Variants in SH3D19 observed in about 807,000 individuals in gnomAD.
SH3D19 encodes the protein SH3 domain containing 19, also known as SH3 domain-containing protein 19.
Under a neutral mutation model 112.1 loss-of-function variants are expected in SH3D19, and 58 were observed. The ratio of observed to expected loss-of-function variants is 0.52; its 90% confidence interval spans 0.42 to 0.64. The LOEUF is 0.64. Among genes scored for constraint, SH3D19 ranks in the 30% least tolerant of loss-of-function variants. The pLI is 0.00. For synonymous variants in SH3D19, 391 were observed against 448.5 expected, an observed-to-expected ratio of 0.87 and a Z score of 1.62; for missense variants, 1,090 against 1,263.4, an observed-to-expected ratio of 0.86 and a Z score of 2.08.
chr4:151,299,528 C>T (rs938140431), intron 1 of SH3D19, among the ~76,000 whole-genome samples: 9 of 133,660 alleles, frequency 6.7e-5, no homozygotes, highest in East Asian at 2.2e-4. Context: ...TGCGGTGAGC[C>T]GAGATTGCGC....
At chr4:151,323,100 A>T (rs1389365985) in intron 1 of SH3D19, among the ~76,000 whole-genome samples, 1 of 152,182 alleles carries the variant, frequency 6.6e-6, no homozygotes, top group Non-Finnish European at 1.5e-5. Context: ...TACAAATTTC[A>T]TATGTTCTTC....
At chr4:151,286,194 A>AC (rs1346873730) in intron 1 of SH3D19, among the ~76,000 whole-genome samples, 1 of 149,844 alleles carries the variant, frequency 6.7e-6, no homozygotes, top group Non-Finnish European at 1.5e-5. Context: ...GAAAAAAAAA[A>AC]AAAAAAAAAA....
intron 2 of SH3D19, among the ~76,000 whole-genome samples, chr4:151,193,970 A>C (rs1247967632): frequency 6.6e-6 from 1 of 151,938 alleles, no homozygotes; most frequent in Non-Finnish European, 1.5e-5. Context: ...AAAGGGCTAA[A>C]ATCTAATCCT....
intron 3 of SH3D19, 116 bp from the exon 4 acceptor site, chr4:151,179,513 T>C (rs944702027): frequency 7.2e-6 from 3 of 418,918 alleles, no homozygotes; most frequent in Non-Finnish European, 1.1e-5. Flanking sequence ...ATAGAATGTA[T>C]GAATTTTAAT....
At chr4:151,147,563 G>C (rs1438211803) in intron 11 of SH3D19, among the ~76,000 whole-genome samples, 1 of 152,212 alleles carries the variant, frequency 6.6e-6, no homozygotes, top group African/African-American at 2.4e-5. Flanking sequence ...CCAGGCTCAA[G>C]CAATTCTCAT....
In SH3D19 at chr4:151,277,990, G is replaced by A. The variant is rs144551956; in HGVS notation, c.112+47251C>T. Among the ~76,000 whole-genome samples, 32 of 152,216 alleles carry A rather than the reference G, an allele frequency of 2.1e-4. No individual in the cohort carries two copies. The East Asian group carries it at 3.9e-3, about 18-fold the overall frequency. ...TGGAAAGTGGAGGTTGCAGTAAGCCGAGATAGCGCCACTGCACTCCAGCCT... is the reference window on the plus strand; with the variant it reads ...TGGAAAGTGGAGGTTGCAGTAAGCCAAGATAGCGCCACTGCACTCCAGCCT... On this transcript the variant is annotated intron_variant, in intron 1 of 19. Transcript: ENST00000604030.
Position 151,174,711 on chromosome 4 carries a change from C to T in SH3D19, c.1493G>A (p.Gly498Glu). Residue 498 changes from glycine to glutamate, a missense_variant, in exon 7 of 20, where the codon GGG becomes GAG. Physicochemically the swap from Gly to Glu is moderately conservative, Grantham distance 98 (BLOSUM62 -2). Transcript: ENST00000604030. ...FDDDVLPTPS[G>E]NLAEESVGSE... ...ACCAACAGATTCTTCAGCCAGGTTC[C>T]CCGATGGGGTGGGCAAAACATCATC... 1.3e-6 allele frequency: 2 copies of T among 1,514,572 alleles called. No homozygotes were observed. Among genetic ancestry groups the T allele is most frequent in the Non-Finnish European group, 8.8e-7 (1 of 1,133,342 alleles). 93.8% of individuals were successfully genotyped at this position (1,514,572 alleles called of 1,614,324 possible).
At chr4:151,154,531 T>C (rs1755713440) in intron 9 of SH3D19, among the ~76,000 whole-genome samples, 1 of 151,674 alleles carries the variant, frequency 6.6e-6, no homozygotes, top group Non-Finnish European at 1.5e-5. Context: ...CCACCCGCCT[T>C]GGCCTCCCAA....
intron 19 of SH3D19, among the ~76,000 whole-genome samples, chr4:151,123,110 A>C (rs537396935): frequency 2.6e-5 from 4 of 152,310 alleles, no homozygotes; most frequent in Non-Finnish European, 5.9e-5. Flanking sequence ...TTGGCCTCAC[A>C]AAGTGTTGGG....
chr4:151,206,133 G>A (rs560260331), intron 2 of SH3D19, among the ~76,000 whole-genome samples: 1 of 152,312 alleles, frequency 6.6e-6, no homozygotes, highest in Non-Finnish European at 1.5e-5. Context: ...AGCAACGGTG[G>A]AGGAAAGGGG....
At chr4:151,281,466 G>T (rs1055035326) in intron 1 of SH3D19, among the ~76,000 whole-genome samples, 1 of 152,118 alleles carries the variant, frequency 6.6e-6, no homozygotes, top group South Asian at 2.1e-4. Flanking sequence ...AGTGGGAGGT[G>T]GGGGGTAGAC....
intron 1 of SH3D19, among the ~76,000 whole-genome samples, chr4:151,250,810 A>G (rs1041157548): frequency 1.3e-5 from 2 of 152,210 alleles, no homozygotes; most frequent in Non-Finnish European, 2.9e-5. Context: ...TTCCTAACAC[A>G]AAGTCTCCCA....
intron 1 of SH3D19, among the ~76,000 whole-genome samples, chr4:151,300,958 C>A (rs907993425): frequency 1.3e-5 from 2 of 152,308 alleles, no homozygotes; most frequent in African/African-American, 2.4e-5. Context: ...AAGTTAAGTA[C>A]TTCACCCAGC....
intron 1 of SH3D19, among the ~76,000 whole-genome samples, chr4:151,293,612 T>A (rs1190119910): frequency 2.6e-5 from 4 of 152,220 alleles, no homozygotes; most frequent in African/African-American, 4.8e-5. Context: ...ATGCCTTCCA[T>A]TTACACCCAA....
intron 2 of SH3D19, among the ~76,000 whole-genome samples, chr4:151,207,272 G>T (rs572175160): frequency 2.0e-5 from 3 of 152,294 alleles, no homozygotes; most frequent in Admixed American, 6.5e-5. Context: ...TCTACAAGAG[G>T]AACAATTACA....
intron 1 of SH3D19, among the ~76,000 whole-genome samples, chr4:151,307,244 G>A (rs556366559): frequency 5.7e-4 from 86 of 151,646 alleles, no homozygotes; most frequent in African/African-American, 2.0e-3. Context: ...GGATGGTCTC[G>A]ATCTCCTGAC....
At chr4:151,234,766 T>G (rs13125061) in intron 1 of SH3D19, among the ~76,000 whole-genome samples, 64,445 of 86,774 alleles carry the variant, frequency 0.74, 24,642 homozygotes, top group Non-Finnish European at 0.86. Context: ...TTTTTTTTTT[T>G]AGACAGGGGC....
intron 1 of SH3D19, among the ~76,000 whole-genome samples, chr4:151,267,450 T>A (rs1042139100): frequency 3.3e-5 from 5 of 151,610 alleles, no homozygotes; most frequent in South Asian, 2.1e-4. Flanking sequence ...TTGGCCCTAG[T>A]TATTTGTACC....
chr4:151,153,863 C>A (rs1404669077), intron 9 of SH3D19, among the ~76,000 whole-genome samples: 1 of 152,194 alleles, frequency 6.6e-6, no homozygotes, highest in African/African-American at 2.4e-5. Flanking sequence ...GGTATCTCTC[C>A]AGATGGTTTA....
Sources: gnomAD v4.1 joint callset for allele counts (sites outside exome capture counted in the v4.1 genomes callset) on GRCh38, gnomAD v4.1.1 for gene constraint, MANE v1.5 for transcripts, NCBI Gene and HGNC (gene_info 2026-07-23, HGNC 2026-07-21) for gene names.